Variants in RALGAPA1 observed in about 807,000 individuals in gnomAD.
RALGAPA1 encodes the protein Ral GTPase activating protein catalytic subunit alpha 1.
In RALGAPA1, 52 loss-of-function variants were observed where a neutral mutation model predicts 269.6. That is an observed-to-expected ratio of 0.19 (90% CI 0.15 to 0.24). RALGAPA1 has a LOEUF of 0.24. Among genes scored for constraint, RALGAPA1 ranks in the 10% least tolerant of loss-of-function variants. RALGAPA1 has a pLI of 1.00. For missense variants in RALGAPA1, 1,917 were observed against 3,013.9 expected (o/e 0.64, Z 8.52); for synonymous variants, 817 against 1,008.3 (o/e 0.81, Z 3.60).
At chr14:35,595,489 C>T in intron 37 of RALGAPA1, 145 bp downstream of exon 37, 1 of 692,668 alleles carries the variant, frequency 1.4e-6, no homozygotes, top group Non-Finnish European at 2.5e-6. Flanking sequence ...TGTACAACCA[C>T]CCTATTTTCA....
chr14:35,733,799 A>G (rs1336713580), intron 12 of RALGAPA1, among the ~76,000 whole-genome samples: 1 of 152,094 alleles, frequency 6.6e-6, no homozygotes, highest in Non-Finnish European at 1.5e-5. Flanking sequence ...TTGAAAAGAT[A>G]AATAAAATTG....
At chr14:35,553,331 G>C (rs1323261382) in intron 39 of RALGAPA1, among the ~76,000 whole-genome samples, 2 of 152,122 alleles carry the variant, frequency 1.3e-5, no homozygotes, top group Non-Finnish European at 2.9e-5. Flanking sequence ...AGGGAATTTT[G>C]ACTTATTCTG....
At chr14:35,541,969 T>G in intron 41 of RALGAPA1, 1 of 1,135,164 alleles carries the variant, frequency 8.8e-7, no homozygotes, top group Non-Finnish European at 1.2e-6. Flanking sequence ...GGGCATGCAA[T>G]GCATTAGGGT....
intron 4 of RALGAPA1, chr14:35,765,940 T>C: frequency 2.2e-6 from 3 of 1,351,854 alleles, no homozygotes; most frequent in African/African-American, 1.4e-5. Flanking sequence ...GAAGGCGTAT[T>C]TGGACCAGTT....
In RALGAPA1 at chr14:35,686,395, CTTAA is replaced by C. The variant is rs1359190953; in HGVS notation, c.4077+143_4077+146del. 8.7e-6 allele frequency: 5 copies of C among 571,890 alleles called. No individual in the cohort carries two copies. In the East Asian group the frequency reaches 1.1e-4, roughly 12 times the overall value. 35.4% of individuals were successfully genotyped at this position (571,890 alleles called of 1,614,324 possible). ...TGTTATAAAAATGTAATTCAAAAATCTTAATTCATAAAAAGGGTTATATTTTGAG... is the reference window on the plus strand; with the variant it reads ...TGTTATAAAAATGTAATTCAAAAATCTTCATAAAAAGGGTTATATTTTGAG... On this transcript the variant is annotated intron_variant, in intron 19 of 41. Coordinates refer to ENST00000680220, the MANE Select transcript of RALGAPA1 (RefSeq NM_001346249.2).
chr14:35,563,491 G>C (rs538075960), intron 39 of RALGAPA1, among the ~76,000 whole-genome samples: 1 of 152,082 alleles, frequency 6.6e-6, no homozygotes, highest in Non-Finnish European at 1.5e-5. Flanking sequence ...AGGAGTACAG[G>C]TATATTGGAC....
At chr14:35,588,137 C>A (rs963034817) in intron 37 of RALGAPA1, among the ~76,000 whole-genome samples, 15 of 152,280 alleles carry the variant, frequency 9.9e-5, no homozygotes, top group Admixed American at 8.5e-4. Context: ...AATTTCTTGA[C>A]CTCATGATCC....
chr14:35,649,690 A>G (rs992075292), intron 31 of RALGAPA1, among the ~76,000 whole-genome samples: 6 of 152,196 alleles, frequency 3.9e-5, no homozygotes, highest in Admixed American at 2.6e-4. Flanking sequence ...TTTCCTAAAT[A>G]TGCCTTTCCC....
At chr14:35,640,673 T>TA (rs1270406561) in intron 31 of RALGAPA1, among the ~76,000 whole-genome samples, 3 of 152,158 alleles carry the variant, frequency 2.0e-5, no homozygotes, top group Non-Finnish European at 4.4e-5. Flanking sequence ...AAAGAACTAA[T>TA]ACCAATCCTT....
At chr14:35,780,698 T>C (rs1043348235) in intron 1 of RALGAPA1, among the ~76,000 whole-genome samples, 2 of 152,226 alleles carry the variant, frequency 1.3e-5, no homozygotes, top group Non-Finnish European at 2.9e-5. Context: ...CCAAAACTTA[T>C]GGCATCCAGC....
chr14:35,596,326 T>C (rs937771767), intron 36 of RALGAPA1, among the ~76,000 whole-genome samples: 8 of 152,132 alleles, frequency 5.3e-5, no homozygotes, highest in African/African-American at 1.7e-4. Flanking sequence ...ATTTTTATTT[T>C]CTGATTATAA....
At chr14:35,742,071 T>C (rs930587944) in intron 11 of RALGAPA1, among the ~76,000 whole-genome samples, 1 of 152,204 alleles carries the variant, frequency 6.6e-6, no homozygotes, top group Non-Finnish European at 1.5e-5. Context: ...CATTTTGATG[T>C]AGTACCACAG....
chr14:35,803,588 C>A (rs928013957), intron 1 of RALGAPA1, among the ~76,000 whole-genome samples: 3 of 151,418 alleles, frequency 2.0e-5, no homozygotes, highest in Non-Finnish European at 2.9e-5. Flanking sequence ...AAAATCTTTG[C>A]AAATCATGTG....
intron 38 of RALGAPA1, among the ~76,000 whole-genome samples, chr14:35,572,173 TTAA>T (rs754688834): frequency 6.6e-5 from 10 of 152,196 alleles, no homozygotes; most frequent in Non-Finnish European, 1.5e-4. Context: ...TCATGCAATC[TTAA>T]TAAGATATAT....
chr14:35,776,379 C>T (rs2075025317), intron 1 of RALGAPA1, among the ~76,000 whole-genome samples: 1 of 144,922 alleles, frequency 6.9e-6, no homozygotes, highest in Admixed American at 7.0e-5. Context: ...GAGACTCCAC[C>T]TTGGGGAAAA....
At chr14:35,612,753 T>C (rs900491027) in intron 35 of RALGAPA1, among the ~76,000 whole-genome samples, 2 of 152,076 alleles carry the variant, frequency 1.3e-5, no homozygotes, top group Non-Finnish European at 2.9e-5. Context: ...TTAGCCAGGA[T>C]GGTCTCGATC....
intron 6 of RALGAPA1, among the ~76,000 whole-genome samples, chr14:35,760,304 T>G (rs898269824): frequency 2.0e-5 from 3 of 152,150 alleles, no homozygotes; most frequent in African/African-American, 7.2e-5. Context: ...CCTGTGAGCA[T>G]GCCTTTCATA....
intron 41 of RALGAPA1, among the ~76,000 whole-genome samples, chr14:35,543,883 C>T (rs965033324): frequency 2.6e-5 from 4 of 152,198 alleles, no homozygotes; most frequent in Admixed American, 2.6e-4. Context: ...CTCAAGTGAT[C>T]TGCCTGCCTC....
At chr14:35,648,094 G>A (rs2062571566) in intron 31 of RALGAPA1, among the ~76,000 whole-genome samples, 1 of 151,400 alleles carries the variant, frequency 6.6e-6, no homozygotes. Flanking sequence ...GGCCCATACG[G>A]TGAAATCCCA....
Sources: allele counts gnomAD v4.1 joint callset (sites outside exome capture counted in the v4.1 genomes callset), GRCh38; gene constraint gnomAD v4.1.1; transcripts MANE v1.5; gene names NCBI Gene and HGNC (gene_info 2026-07-23, HGNC 2026-07-21).